Variants in PLEKHA7 observed in about 807,000 individuals in gnomAD.
The protein encoded by PLEKHA7 is pleckstrin homology domain-containing family A member 7.
Under a neutral mutation model 170.0 loss-of-function variants are expected in PLEKHA7, and 104 were observed. The ratio of observed to expected loss-of-function variants is 0.61; its 90% CI spans 0.52 to 0.72. The LOEUF (loss-of-function observed/expected upper bound fraction) is 0.72, where lower values mean the gene tolerates loss of function less well. PLEKHA7 is among the 30% of genes least tolerant of loss of function. The pLI is 0.00. For missense variants in PLEKHA7, 1,615 were observed against 1,671.7 expected, an observed-to-expected ratio of 0.97 and a Z score of 0.59; for synonymous variants, 648 against 660.8, an observed-to-expected ratio of 0.98 and a Z score of 0.30.
Position 16,801,821 on chromosome 11 carries a change from C to A in PLEKHA7, c.2158-4G>T. 6.2e-7 allele frequency: 1 copy of A among 1,613,992 alleles called. No individual in the cohort carries two copies. Among genetic ancestry groups the A allele is most frequent in the Non-Finnish European group, 8.5e-7 (1 of 1,180,000 alleles). ...CCAGCACAGATTCTAGCTGGTCCTG[C>A]ACCACGAAGGGCCAAAAAACAGCAG... On this transcript the variant is annotated splice_polypyrimidine_tract_variant and splice_region_variant and intron_variant, in intron 15 of 26. Coordinates refer to ENST00000531066, the MANE Select transcript of PLEKHA7 (RefSeq NM_001329630.2).
At chr11:16,887,428 C>G (rs1856213520) in intron 3 of PLEKHA7, among the ~76,000 whole-genome samples, 1 of 152,068 alleles carries the variant, frequency 6.6e-6, no homozygotes, top group Non-Finnish European at 1.5e-5. Context: ...TTTCCACGGT[C>G]TCCCTCCGAT....
intron 3 of PLEKHA7, among the ~76,000 whole-genome samples, chr11:16,888,198 G>A (rs2135894218): frequency 6.6e-6 from 1 of 151,870 alleles, no homozygotes; most frequent in African/African-American, 2.4e-5. Context: ...CCTCTGCCCA[G>A]CAGCCGCCCC....
At chr11:16,846,144 G>T (rs1590318008) in intron 8 of PLEKHA7, among the ~76,000 whole-genome samples, 1 of 152,030 alleles carries the variant, frequency 6.6e-6, no homozygotes. Flanking sequence ...AATTAGCCTG[G>T]CATGGTGATG....
chr11:17,002,390 C>A (rs946520572), intron 3 of PLEKHA7, among the ~76,000 whole-genome samples: 8 of 149,094 alleles, frequency 5.4e-5, no homozygotes, highest in African/African-American at 1.7e-4. Context: ...GGCAACAGAA[C>A]AAAACCTCAA....
chr11:16,805,261 A>G (rs1473973656), intron 13 of PLEKHA7, among the ~76,000 whole-genome samples: 1 of 152,220 alleles, frequency 6.6e-6, no homozygotes, highest in Non-Finnish European at 1.5e-5. Flanking sequence ...TAATTGAGCA[A>G]TGCCTCATTT....
intron 3 of PLEKHA7, among the ~76,000 whole-genome samples, chr11:16,885,079 G>A (rs1407644191): frequency 6.6e-6 from 1 of 152,202 alleles, no homozygotes; most frequent in East Asian, 1.9e-4. Context: ...GGTAGCTCAT[G>A]CCTGTAATCC....
chr11:16,786,202 G>A (rs1849381472), intron 24 of PLEKHA7, 27 bp downstream of exon 24: 4 of 1,534,748 alleles, frequency 2.6e-6, no homozygotes, highest in Non-Finnish European at 3.5e-6. Context: ...GTCTCCTGGA[G>A]GACATGAAGG....
At chr11:16,871,602 A>G (rs1180413773) in intron 3 of PLEKHA7, among the ~76,000 whole-genome samples, 5 of 152,220 alleles carry the variant, frequency 3.3e-5, no homozygotes, top group Non-Finnish European at 7.3e-5. Context: ...AAGAATTCTA[A>G]GAATTAACCA....
At chr11:16,847,090 CTTTTTT>C (rs59132787) in intron 8 of PLEKHA7, among the ~76,000 whole-genome samples, 5 of 70,826 alleles carry the variant, frequency 7.1e-5, no homozygotes, top group African/African-American at 2.6e-4. Flanking sequence ...TTTTTTTTTT[CTTTTTT>C]TTTTTTTTTT....
chr11:16,854,167 G>C (rs1210653401), intron 6 of PLEKHA7, among the ~76,000 whole-genome samples: 1 of 152,188 alleles, frequency 6.6e-6, no homozygotes, highest in East Asian at 1.9e-4. Context: ...GAGAGAAGGA[G>C]AGCAAAAGAG....
At chr11:16,800,515 A>G (rs1440327884) in intron 17 of PLEKHA7, among the ~76,000 whole-genome samples, 1 of 152,200 alleles carries the variant, frequency 6.6e-6, no homozygotes, top group African/African-American at 2.4e-5. Context: ...GAGTGCCTCA[A>G]AGGACAGAAT....
At chr11:16,907,736 C>T (rs1857934074) in intron 3 of PLEKHA7, among the ~76,000 whole-genome samples, 1 of 142,964 alleles carries the variant, frequency 7.0e-6, no homozygotes, top group African/African-American at 2.6e-5. Flanking sequence ...AGCCCCTCTG[C>T]CCGGCCACCA....
At position 17,000,090 on chromosome 11, in the gene PLEKHA7, T is replaced by G. The variant is rs113533455; in HGVS notation, c.221+13899A>C. Among the ~76,000 whole-genome samples, 190 of 152,142 alleles carry G rather than the reference T, an allele frequency of 1.2e-3. 1 individual carries two copies. Among genetic ancestry groups the G allele is most frequent in the Non-Finnish European group, 3.4e-4 (23 of 67,986 alleles). ...GTAAGTACAAGAAACCTGTCTTTGTTTTTGTTTTTTTGAGACAGAGTCTCA... is the reference window on the plus strand; with the variant it reads ...GTAAGTACAAGAAACCTGTCTTTGTGTTTGTTTTTTTGAGACAGAGTCTCA... On this transcript the variant is annotated intron_variant, in intron 3 of 26. Transcript: ENST00000531066.
chr11:16,782,266 A>G (rs1277598292), intron 26 of PLEKHA7, among the ~76,000 whole-genome samples: 1 of 152,140 alleles, frequency 6.6e-6, no homozygotes, highest in African/African-American at 2.4e-5. Flanking sequence ...GGCACAGTAC[A>G]CTGTGATGAG....
chr11:16,982,650 C>T (rs956420138), intron 3 of PLEKHA7, among the ~76,000 whole-genome samples: 2 of 152,070 alleles, frequency 1.3e-5, no homozygotes, highest in Admixed American at 6.5e-5. Context: ...TTCTAAAACC[C>T]GTCCTCCTGT....
intron 3 of PLEKHA7, among the ~76,000 whole-genome samples, chr11:16,893,057 T>C (rs539879917): frequency 1.3e-5 from 2 of 152,184 alleles, no homozygotes; most frequent in Non-Finnish European, 2.9e-5. Flanking sequence ...GCTCTTATCG[T>C]CCAATATGGC....
At chr11:16,955,885 C>A (rs1055119929) in intron 3 of PLEKHA7, among the ~76,000 whole-genome samples, 4 of 152,028 alleles carry the variant, frequency 2.6e-5, no homozygotes, top group African/African-American at 9.7e-5. Flanking sequence ...ATTCTAGAGA[C>A]CATACATAGT....
At chr11:16,914,965 C>T (rs551236301) in intron 3 of PLEKHA7, among the ~76,000 whole-genome samples, 7 of 152,322 alleles carry the variant, frequency 4.6e-5, no homozygotes, top group Middle Eastern at 6.8e-3. Flanking sequence ...ACCTCTCTCT[C>T]CTAGACTTAT....
intron 17 of PLEKHA7, among the ~76,000 whole-genome samples, chr11:16,795,764 G>C (rs1219249636): frequency 2.0e-5 from 3 of 151,760 alleles, no homozygotes; most frequent in African/African-American, 7.2e-5. Context: ...ACTCCAGCCT[G>C]GGCAAAAGAG....
Sources: gnomAD v4.1 joint callset for allele counts (sites outside exome capture counted in the v4.1 genomes callset) on GRCh38, gnomAD v4.1.1 for gene constraint, MANE v1.5 for transcripts, NCBI Gene and HGNC (gene_info 2026-07-23, HGNC 2026-07-21) for gene names.